The following NCAPD3 variants were observed in gnomAD, a reference collection of about 807,000 sequenced individuals.
NCAPD3 encodes the protein non-SMC condensin II complex subunit D3.
A neutral mutation model predicts 182.9 loss-of-function variants in NCAPD3; 105 were observed. That is an observed-to-expected ratio of 0.57 (90% confidence interval 0.49 to 0.68). The LOEUF is 0.68. Among genes scored for constraint, NCAPD3 ranks in the 30% least tolerant of loss-of-function variants. The pLI, the probability that NCAPD3 is intolerant of heterozygous loss-of-function variation, is 0.00. For synonymous variants in NCAPD3, 815 were observed against 679.9 expected, an observed-to-expected ratio of 1.20 and a Z score of -3.09; for missense variants, 1,944 against 1,837.0, an observed-to-expected ratio of 1.06 and a Z score of -1.07.
chr11:134,223,385 G>A, intron 1 of NCAPD3: 1 of 701,962 alleles, frequency 1.4e-6, no homozygotes, highest in Non-Finnish European at 2.6e-6. Context: ...ATGACTCCTG[G>A]GTTGGTGGCT....
chr11:134,224,816 C>G (rs1368578957), upstream of NCAPD3: 1 of 155,586 alleles, frequency 6.4e-6, no homozygotes, highest in African/African-American at 2.4e-5. Flanking sequence ...ACGGCCGACC[C>G]TCGCCCGCCC....
At chr11:134,174,174 T>C (rs1417019481) in intron 24 of NCAPD3, among the ~76,000 whole-genome samples, 1 of 151,842 alleles carries the variant, frequency 6.6e-6, no homozygotes, top group Non-Finnish European at 1.5e-5. Context: ...GTAGATTGCC[T>C]GAGCCCAGGA....
In NCAPD3 at chr11:134,158,478, T is replaced by C; in HGVS notation, c.3885A>G (p.Glu1295=). ...APVAQVALCL[E]TVPVPAGQEN... ...CTTGGCCAGCAGGAACTGGCACTGT[T>C]TCTAAACACAGGGCAACCTGGTAGA... The change falls in exon 30 of 35, where the codon GAA becomes GAG. Residue 1295 remains glutamate, a synonymous_variant. Coordinates refer to ENST00000534548, the MANE Select transcript of NCAPD3 (RefSeq NM_015261.3). 4 of 1,613,912 alleles carry C rather than the reference T, an allele frequency of 2.5e-6. No homozygotes were observed. The highest frequency in any genetic ancestry group is 3.4e-6 in the Non-Finnish European group (4 of 1,180,020).
chr11:134,211,093 T>C (rs574362949), intron 3 of NCAPD3, among the ~76,000 whole-genome samples: 38 of 152,224 alleles, frequency 2.5e-4, no homozygotes, highest in Non-Finnish European at 4.7e-4. Flanking sequence ...AAGGCTCAGA[T>C]ACATTTGAGT....
In NCAPD3 at chr11:134,204,920, T is replaced by C; in HGVS notation, c.1068A>G (p.Leu356=). ...GTACCTTGGCACAGATGTGCTGCAG[T>C]AAGATACGGACGACTGGGAATATAC... ...KESIFPVVRI[L]LQHICAKVVD... is the part of the protein sequence containing the mutation. The change falls in exon 9 of 35, where the codon TTA becomes TTG. Residue 356 remains leucine (L), a synonymous_variant. Coordinates refer to ENST00000534548, the MANE Select transcript of NCAPD3 (RefSeq NM_015261.3). This position sits in a 1 kb window ranked among gnomAD's most constrained non-coding sequence, Gnocchi z 4.3. 1 of 1,613,602 alleles carries C rather than the reference T, an allele frequency of 6.2e-7. No individual in the cohort carries two copies. Among genetic ancestry groups the C allele is most frequent in the South Asian group, 1.1e-5 (1 of 91,050 alleles).
At chr11:134,178,520 G>C (rs1346285836) in intron 22 of NCAPD3, 114 bp downstream of exon 22, 7 of 776,254 alleles carry the variant, frequency 9.0e-6, no homozygotes, top group East Asian at 2.5e-5. Context: ...ACATGGCTGA[G>C]AGCAGACACA....
At chr11:134,161,658 T>G in intron 28 of NCAPD3, 123 bp downstream of exon 28, 1 of 682,880 alleles carries the variant, frequency 1.5e-6, no homozygotes, top group Non-Finnish European at 2.6e-6. Context: ...CAAGGTAATG[T>G]TGGGTTTGCA....
chr11:134,166,108 C>T (rs1402483869), intron 27 of NCAPD3, among the ~76,000 whole-genome samples: 1 of 15,324 alleles, frequency 6.5e-5, no homozygotes, highest in Non-Finnish European at 1.4e-4. Context: ...GGGGCACACT[C>T]ACTAGTGAGA....
Position 134,152,572 on chromosome 11 carries a change from T to G in NCAPD3, c.*372A>C, listed in dbSNP as rs970347463. On this transcript the variant is annotated 3_prime_UTR_variant, in exon 35 of 35. Coordinates refer to ENST00000534548, the MANE Select transcript of NCAPD3 (RefSeq NM_015261.3). ...ATTACAGATGGGAAAATATGTACTA[T>G]AAGGAATTCAAGTTAACAGAGGCTT... 1 of 169,616 alleles carries G rather than the reference T, an allele frequency of 5.9e-6. No homozygotes were observed. Among genetic ancestry groups the G allele is most frequent in the Admixed American group, 6.3e-5 (1 of 15,866 alleles). The allele number at this position is 169,616 out of a possible 1,614,324, so 10.5% of individuals were successfully genotyped here.
chr11:134,156,642 C>T (rs947800100), intron 32 of NCAPD3, among the ~76,000 whole-genome samples: 1 of 152,174 alleles, frequency 6.6e-6, no homozygotes, highest in Non-Finnish European at 1.5e-5. Context: ...GTGCTGACGT[C>T]TGCCCGCCCT....
intron 27 of NCAPD3, among the ~76,000 whole-genome samples, chr11:134,167,277 C>T (rs55955936): frequency 1.5e-5 from 2 of 135,380 alleles, no homozygotes; most frequent in African/African-American, 5.6e-5. Context: ...GCAGCACACT[C>T]ACTTGTGAGA....
At chr11:134,197,496 C>T (rs991853117) in intron 13 of NCAPD3, among the ~76,000 whole-genome samples, 1 of 152,034 alleles carries the variant, frequency 6.6e-6, no homozygotes, top group Admixed American at 6.6e-5. Flanking sequence ...AGACTGGTCT[C>T]GAACTCCTGA....
chr11:134,188,382 T>C (rs975212651), intron 16 of NCAPD3, among the ~76,000 whole-genome samples: 1 of 152,022 alleles, frequency 6.6e-6, no homozygotes, highest in Non-Finnish European at 1.5e-5. Context: ...CGGGGCCAAA[T>C]AAGGGAATAA....
rs146098679 is a variant in NCAPD3, at chr11:134,204,823, T to TCACA, written c.1089+72_1089+75dup. On this transcript the variant is annotated intron_variant, in intron 9 of 34. Transcript: ENST00000534548. The surrounding 1 kb of genome is among the most constrained non-coding windows in gnomAD (Gnocchi z 4.3). ...CATTCCCAAGAACAAATACCCACAC[T>TCACA]CACACACACACACACACATTTATCT... The TCACA allele has an allele frequency of 2.8e-4, 312 of 1,099,462 alleles. No individual in the cohort carries two copies. The African/African-American group carries it at 3.2e-3, about 11-fold the overall frequency. The allele number at this position is 1,099,462 out of a possible 1,614,324, so 68.1% of individuals were successfully genotyped here. A position where few individuals can be genotyped will look rare whatever the true frequency, so the allele number is the denominator to read the frequency against.
chr11:134,174,836 C>G (rs1214082622), intron 24 of NCAPD3, among the ~76,000 whole-genome samples: 2 of 152,178 alleles, frequency 1.3e-5, no homozygotes, highest in African/African-American at 2.4e-5. Context: ...AAACATCACT[C>G]TCTGTCCCAT....
Position 134,194,673 on chromosome 11 carries a change from C to T in NCAPD3, c.1681G>A (p.Ala561Thr). The T allele has an allele frequency of 6.2e-7, 1 of 1,600,514 alleles. No homozygotes were observed. Among genetic ancestry groups the T allele is most frequent in the Non-Finnish European group, 8.5e-7 (1 of 1,173,888 alleles). The change falls in exon 14 of 35, where the codon GCA (alanine) becomes ACA (threonine). Residue 561 changes from alanine to threonine, a missense_variant. By Grantham distance (58) the Ala-to-Thr change is moderately conservative. Transcript: ENST00000534548. ...RDEKTNVRKS[A>T]LQVLVSILKH... The stretch of plus-strand genomic sequence containing the variant: ...GCAGAGAAAACTCCCACCTGCAGTG[C>T]AGACTTCCTAACGTTGGTCTTCTCA...
At chr11:134,161,465 CA>C (rs1943578265) in intron 28 of NCAPD3, among the ~76,000 whole-genome samples, 1 of 152,186 alleles carries the variant, frequency 6.6e-6, no homozygotes, top group African/African-American at 2.4e-5. Context: ...CCCCAAGCAG[CA>C]TGAACGAAGA....
In NCAPD3 at chr11:134,206,701, C is replaced by T; in HGVS notation, c.914G>A (p.Ser305Asn). 2 of 1,611,002 alleles carry T rather than the reference C, an allele frequency of 1.2e-6. No individual in the cohort carries two copies. Among genetic ancestry groups the T allele is most frequent in the South Asian group, 1.1e-5 (1 of 90,476 alleles). ...VISCVFHQML[S>N]VILMLEVGEG... The stretch of plus-strand genomic sequence containing the variant: ...ACCAACTTCTAACATTAATATTACA[C>T]TGAGCATTTGATGGAAAACACAACT... Residue 305 changes from serine to asparagine, a missense_variant, in exon 8 of 35, where the codon AGT becomes AAT. Coordinates refer to ENST00000534548, the MANE Select transcript of NCAPD3 (RefSeq NM_015261.3).
intron 13 of NCAPD3, among the ~76,000 whole-genome samples, chr11:134,198,501 C>T (rs769363932): frequency 3.5e-4 from 53 of 152,318 alleles, no homozygotes; most frequent in African/African-American, 5.3e-4. Flanking sequence ...ACCTTGGGCA[C>T]ATGTTCTCAG....
Sources: allele counts gnomAD v4.1 joint callset (sites outside exome capture counted in the v4.1 genomes callset), GRCh38; gene constraint gnomAD v4.1.1; non-coding constraint Gnocchi (gnomAD v3.1); transcripts MANE v1.5; gene names NCBI Gene and HGNC (gene_info 2026-07-23, HGNC 2026-07-21).